The following CAND2 variants were observed in gnomAD, a reference collection of about 807,000 sequenced individuals.
The protein encoded by CAND2 is cullin-associated NEDD8-dissociated protein 2.
CAND2 carries 62 observed loss-of-function variants against 98.9 expected under a neutral mutation model. The ratio of observed to expected loss-of-function variants is 0.63; its 90% confidence interval spans 0.51 to 0.77. The LOEUF (loss-of-function observed/expected upper bound fraction) is 0.77, where lower values mean the gene tolerates loss of function less well. Ranked by LOEUF, CAND2 falls within the 30% of genes least tolerant of loss-of-function variation. The probability of loss-of-function intolerance (pLI) is 0.00; values close to 1 mark genes in which losing one functional copy is unlikely to be tolerated. For synonymous variants in CAND2, 770 were observed against 731.9 expected (o/e 1.05, Z -0.84); for missense variants, 1,501 against 1,655.2 (o/e 0.91, Z 1.62).
At chr3:12,804,413 A>G (rs968255077) in intron 2 of CAND2, among the ~76,000 whole-genome samples, 1 of 152,170 alleles carries the variant, frequency 6.6e-6, no homozygotes, top group Non-Finnish European at 1.5e-5. Context: ...CAGTGAGCCA[A>G]GATTGCGCCA....
chr3:12,820,104 G>A lies in CAND2; in HGVS notation c.2963G>A (p.Ser988Asn), dbSNP rs1043115461. 24 of 1,614,112 alleles carry A rather than the reference G, an allele frequency of 1.5e-5. No homozygotes were observed. Among genetic ancestry groups the A allele is most frequent in the Non-Finnish European group, 1.9e-5 (22 of 1,180,000 alleles). Residue 988 changes from serine (S) to asparagine (N), a missense_variant, in exon 11 of 15, where the codon AGC (serine) becomes AAC (asparagine). Ser to Asn is a conservative substitution (Grantham distance 46). This residue lies in a region of CAND2 where 1,427 missense variants were observed against 1,545.3 expected (regional missense o/e 0.92). Coordinates refer to ENST00000456430, the MANE Select transcript of CAND2 (RefSeq NM_001162499.2). ...CCTGCAGGTCGGCCACACACCCGGA[G>A]CACCGTCATCACAGCGGTCAAGTTC... Reference protein sequence around the residue: ...QLAAGRPHTRSTVITAVKFLI... With the variant: ...QLAAGRPHTRNTVITAVKFLI...
At position 12,808,190 on chromosome 3, in the gene CAND2, C is replaced by A; in HGVS notation, c.368-20C>A. On this transcript the variant is annotated intron_variant, in intron 3 of 14. Transcript: ENST00000456430. ...CCCCCAGGCCAGGGCCTCACTGTGCCCACCTTGTGCCCTGTGCAGGCTCCG... is the reference window on the plus strand; with the variant it reads ...CCCCCAGGCCAGGGCCTCACTGTGCACACCTTGTGCCCTGTGCAGGCTCCG... 1 of 1,550,350 alleles carries A rather than the reference C, an allele frequency of 6.5e-7. No individual in the cohort carries two copies. The highest frequency in any genetic ancestry group is 8.7e-7 in the Non-Finnish European group (1 of 1,146,662).
chr3:12,829,007 G>A (rs2062028450), intron 13 of CAND2, among the ~76,000 whole-genome samples: 1 of 152,218 alleles, frequency 6.6e-6, no homozygotes, highest in Admixed American at 6.5e-5. Context: ...TAATGCGACT[G>A]TGAACCTAGG....
At chr3:12,825,320 G>T (rs1200222922) in intron 11 of CAND2, 150 bp from the exon 12 acceptor site, 4 of 693,842 alleles carry the variant, frequency 5.8e-6, no homozygotes, top group Non-Finnish European at 9.5e-6. Context: ...GGTTGTTTGT[G>T]CCTGGCACAA....
At chr3:12,818,005 C>A in intron 10 of CAND2, 129 bp downstream of exon 10, 1 of 811,306 alleles carries the variant, frequency 1.2e-6, no homozygotes, top group Non-Finnish European at 1.8e-6. Context: ...ATCTATACGA[C>A]AGAGGCAAGG....
At position 12,816,761 on chromosome 3, in the gene CAND2, T is replaced by G; in HGVS notation, c.1829T>G (p.Leu610Arg). The G allele has an allele frequency of 6.2e-7, 1 of 1,613,584 alleles. No individual in the cohort carries two copies. Among genetic ancestry groups the G allele is most frequent in the East Asian group, 2.2e-5 (1 of 44,886 alleles). The change falls in exon 10 of 15, where the codon CTG becomes CGG. Residue 610 changes from leucine to arginine, a missense_variant. Physicochemically the swap from Leu to Arg is moderately radical, Grantham distance 102 (BLOSUM62 -2). Coordinates refer to ENST00000456430, the MANE Select transcript of CAND2 (RefSeq NM_001162499.2). ...GHLGDRLGDDLEPTLLLLLDR... is the reference protein window; with the variant it reads ...GHLGDRLGDDREPTLLLLLDR... ...CTGGGTGACCGGCTTGGGGATGACCTGGAGCCCACGTTACTGCTCCTCCTG... is the reference window on the plus strand; with the variant it reads ...CTGGGTGACCGGCTTGGGGATGACCGGGAGCCCACGTTACTGCTCCTCCTG...
Position 12,834,066 on chromosome 3 carries a change from C to A in CAND2, c.*84C>A. The stretch of plus-strand genomic sequence containing the variant: ...GCCTCCCCATCCCACCATCGCAGGT[C>A]TCTACTTTTGCCCTTCCACCATCTC... On this transcript the variant is annotated 3_prime_UTR_variant, in exon 15 of 15. Transcript: ENST00000456430. 2.6e-6 allele frequency: 3 copies of A among 1,160,122 alleles called. No individual in the cohort carries two copies. Among genetic ancestry groups the A allele is most frequent in the Non-Finnish European group, 3.8e-6 (3 of 789,030 alleles). 71.9% of individuals were successfully genotyped at this position (1,160,122 alleles called of 1,614,324 possible). A position where few individuals can be genotyped will look rare whatever the true frequency, so the allele number is the denominator to read the frequency against.
rs1018283474 is a variant in CAND2, at chr3:12,808,439, G to A, written c.491+106G>A. 2.3e-5 allele frequency: 30 copies of A among 1,289,728 alleles called. No homozygotes were observed. The East Asian group carries it at 7.8e-4, about 33-fold the overall frequency. 79.9% of individuals were successfully genotyped at this position (1,289,728 alleles called of 1,614,324 possible). On this transcript the variant is annotated intron_variant, in intron 4 of 14. Transcript: ENST00000456430. ...ACTGCACACCAGGCCCTGTGCTTGGGGCTCCTTAATCATCCCAGCAGCCTC... is the reference window on the plus strand; with the variant it reads ...ACTGCACACCAGGCCCTGTGCTTGGAGCTCCTTAATCATCCCAGCAGCCTC...
chr3:12,820,038 C>T, intron 10 of CAND2, 48 bp from the exon 11 acceptor site: 3 of 1,487,462 alleles, frequency 2.0e-6, no homozygotes, highest in Non-Finnish European at 1.9e-6. Context: ...TGTGAGCCTC[C>T]AGGATTGGCC....
rs751310144 is a variant in CAND2 at position 12,813,288 on chromosome 3, C to T, written c.906C>T (p.Ser302=). 6 of 1,613,884 alleles carry T rather than the reference C, an allele frequency of 3.7e-6. No individual in the cohort carries two copies. The Admixed American group carries it at 1.0e-4, about 27-fold the overall frequency. Residue 302 remains serine, a synonymous_variant, in exon 7 of 15, where the codon AGC becomes AGT. Coordinates refer to ENST00000456430, the MANE Select transcript of CAND2 (RefSeq NM_001162499.2). ...EMGPHVPNVT[S]LCLQYIKHDP... ...GTCCTCACGTGCCCAACGTGACCAG[C>T]CTCTGCCTCCAATACATAAAACACG...
chr3:12,808,418 C>A, intron 4 of CAND2, 85 bp downstream of exon 4: 1 of 1,425,734 alleles, frequency 7.0e-7, no homozygotes, highest in Non-Finnish European at 9.6e-7. Context: ...GCACCTACTG[C>A]ACACCAGGCC....
chr3:12,816,711 C>T lies in CAND2; in HGVS notation c.1779C>T (p.Ser593=), dbSNP rs1339998088. ...AGGAGGTGAAGGAGCGGGCCATTTC[C>T]TGCATGGGCCACCTTGTAGGCCACC... The part of the protein sequence containing the change: ...LDQEVKERAI[S]CMGHLVGHLG... Residue 593 remains serine, a synonymous_variant, in exon 10 of 15, where the codon TCC becomes TCT. Coordinates refer to ENST00000456430, the MANE Select transcript of CAND2 (RefSeq NM_001162499.2). 1 of 1,613,692 alleles carries T rather than the reference C, an allele frequency of 6.2e-7. No individual in the cohort carries two copies. The highest frequency in any genetic ancestry group is 8.5e-7 in the Non-Finnish European group (1 of 1,180,038).
intron 1 of CAND2, among the ~76,000 whole-genome samples, chr3:12,803,135 G>A (rs1366035044): frequency 3.3e-5 from 5 of 151,800 alleles, no homozygotes; most frequent in African/African-American, 7.3e-5. Context: ...GACTACAGGC[G>A]CCCGCCACCA....
intron 11 of CAND2, among the ~76,000 whole-genome samples, chr3:12,824,157 TC>T (rs1367133636): frequency 6.6e-6 from 1 of 151,986 alleles, no homozygotes; most frequent in African/African-American, 2.4e-5. Context: ...AATTTTTTTT[TC>T]CAAACCAACA....
Position 12,827,473 on chromosome 3 carries a change from G to A in CAND2, c.3244G>A (p.Asp1082Asn), listed in dbSNP as rs375616475. ...EMGPFKHTVD[D>N]GLDVRKAAFE... The stretch of plus-strand genomic sequence containing the variant: ...GGGGCCCTTTAAACATACAGTGGAC[G>A]ATGGGCTGGACGTGCGGAAGGCGGC... Residue 1082 changes from aspartate (D) to asparagine (N), a missense_variant, in exon 13 of 15, where the codon GAT becomes AAT. Coordinates refer to ENST00000456430, the MANE Select transcript of CAND2 (RefSeq NM_001162499.2). 13 of 1,613,922 alleles carry A rather than the reference G, an allele frequency of 8.1e-6. No individual in the cohort carries two copies. Among genetic ancestry groups the A allele is most frequent in the South Asian group, 1.1e-5 (1 of 91,080 alleles).
intron 13 of CAND2, 79 bp from the exon 14 acceptor site, chr3:12,831,386 C>A: frequency 9.1e-7 from 1 of 1,098,540 alleles, no homozygotes; most frequent in Non-Finnish European, 1.4e-6. Flanking sequence ...AGTTGTGGGG[C>A]CTCTGCTCTT....
Position 12,815,949 on chromosome 3 carries a change from C to T in CAND2, c.1382C>T (p.Thr461Ile). 1 of 1,613,856 alleles carries T rather than the reference C, an allele frequency of 6.2e-7. No homozygotes were observed. The highest frequency in any genetic ancestry group is 8.5e-7 in the Non-Finnish European group (1 of 1,179,920). ...CGCCAGGGATGCTTCAGCCTCCTCA[C>T]CGAGCTGGCGGGTGTCCTCCCAGGC... ...RARQGCFSLL[T>I]ELAGVLPGSL... is the part of the protein sequence containing the mutation. The change falls in exon 9 of 15, where the codon ACC (threonine) becomes ATC (isoleucine). Residue 461 changes from threonine to isoleucine, a missense_variant. By Grantham distance (89) the Thr-to-Ile change is moderately conservative. This residue lies in a region of CAND2 where 1,427 missense variants were observed against 1,545.3 expected (regional missense o/e 0.92). Transcript: ENST00000456430. This position sits in a 1 kb window ranked among gnomAD's most constrained non-coding sequence, Gnocchi z 5.7.
At chr3:12,818,992 A>G (rs946509266) in intron 10 of CAND2, among the ~76,000 whole-genome samples, 32 of 152,138 alleles carry the variant, frequency 2.1e-4, no homozygotes, top group Admixed American at 2.0e-3. Flanking sequence ...TTTCCTTTTT[A>G]GCACCAACTG....
At chr3:12,796,828 T>C in intron 1 of CAND2, 40 bp downstream of exon 1, 2 of 1,526,072 alleles carry the variant, frequency 1.3e-6, no homozygotes, top group Non-Finnish European at 8.9e-7. Context: ...CTTCCCGCTC[T>C]GAAGCCGGGG....
Sources: gnomAD v4.1 joint callset for allele counts (sites outside exome capture counted in the v4.1 genomes callset) on GRCh38, gnomAD v4.1.1 for gene constraint, gnomAD v4.1.1 regional missense constraint, Gnocchi (gnomAD v3.1) non-coding constraint, MANE v1.5 for transcripts, NCBI Gene and HGNC (gene_info 2026-07-23, HGNC 2026-07-21) for gene names.